Variants in CENPU observed in about 807,000 individuals in gnomAD.
The protein encoded by CENPU is KSHV latent nuclear antigen interacting protein 1.
A neutral mutation model predicts 56.7 loss-of-function variants in CENPU; 46 were observed. The ratio of observed to expected loss-of-function variants is 0.81; its 90% CI spans 0.64 to 1.04. The LOEUF is 1.04. Among genes scored for constraint, CENPU ranks in the 50% least tolerant of loss-of-function variants. CENPU has a pLI of 0.00. For missense variants in CENPU, 510 were observed against 490.1 expected (o/e 1.04, Z -0.38); for synonymous variants, 166 against 163.0 (o/e 1.02, Z -0.14).
At position 184,716,575 on chromosome 4, in the gene CENPU, G is replaced by A. The variant is rs746134998; in HGVS notation, c.440C>T (p.Thr147Ile). 2.5e-6 allele frequency: 4 copies of A among 1,614,100 alleles called. No individual in the cohort carries two copies. Among genetic ancestry groups the A allele is most frequent in the South Asian group, 1.1e-5 (1 of 91,078 alleles). ...CTCTGCTGATTTAACTTTTCTCCTT[G>A]TATCACTTTCTTCAATGCTTTCAGA... ...DDSESIEESD[T>I]RRKVKSAEKI... Residue 147 changes from threonine to isoleucine, a missense_variant, in exon 6 of 13, where the codon ACA becomes ATA. Coordinates refer to ENST00000281453, the MANE Select transcript of CENPU (RefSeq NM_024629.4).
At chr4:184,714,823 GA>G (rs1461537039) in intron 6 of CENPU, among the ~76,000 whole-genome samples, 8 of 152,082 alleles carry the variant, frequency 5.3e-5, no homozygotes, top group African/African-American at 1.9e-4. Flanking sequence ...AAAGTCAATG[GA>G]CTTTTAGCAG....
intron 4 of CENPU, among the ~76,000 whole-genome samples, chr4:184,723,324 A>C (rs1031690997): frequency 3.3e-5 from 5 of 152,186 alleles, no homozygotes; most frequent in Admixed American, 6.5e-5. Context: ...AAATTCTGGA[A>C]GGACATATGA....
Position 184,702,147 on chromosome 4 carries a change from C to CA in CENPU, c.877-12dup. On this transcript the variant is annotated splice_polypyrimidine_tract_variant and intron_variant, in intron 9 of 12. Coordinates refer to ENST00000281453, the MANE Select transcript of CENPU (RefSeq NM_024629.4). ...CTGGCTTTCTTTAAGCTACACAAAA[C>CA]AAAAAATACACATGTACATCAGTTT... 1 of 1,589,246 alleles carries CA rather than the reference C, an allele frequency of 6.3e-7. No individual in the cohort carries two copies. The highest frequency in any genetic ancestry group is 8.6e-7 in the Non-Finnish European group (1 of 1,161,600).
intron 1 of CENPU, 146 bp downstream of exon 1, chr4:184,733,869 GA>G: frequency 1.9e-6 from 2 of 1,054,856 alleles, no homozygotes; most frequent in Non-Finnish European, 2.9e-6. Flanking sequence ...CTAGACTGAG[GA>G]GGAAGCCGGG....
At chr4:184,701,994 C>A in intron 10 of CENPU, 95 bp downstream of exon 10, 1 of 762,990 alleles carries the variant, frequency 1.3e-6, no homozygotes, top group Non-Finnish European at 2.2e-6. Context: ...AATCTACTCA[C>A]ACTCTAAAGG....
At chr4:184,724,115 A>C (rs1365229987) in intron 4 of CENPU, among the ~76,000 whole-genome samples, 3 of 151,562 alleles carry the variant, frequency 2.0e-5, no homozygotes, top group Non-Finnish European at 2.9e-5. Flanking sequence ...ATACAAAAAA[A>C]ATCAGCTGGG....
intron 11 of CENPU, among the ~76,000 whole-genome samples, chr4:184,698,842 T>C (rs1247801979): frequency 1.3e-5 from 2 of 152,162 alleles, no homozygotes; most frequent in East Asian, 1.9e-4. Context: ...TTGGAGTCAG[T>C]CAGCTGACAG....
At chr4:184,722,794 AAAT>A (rs1328614837) in intron 4 of CENPU, among the ~76,000 whole-genome samples, 2 of 152,206 alleles carry the variant, frequency 1.3e-5, no homozygotes, top group Non-Finnish European at 2.9e-5. Context: ...ATCAACTAGA[AAAT>A]AGGAAAAAGG....
intron 4 of CENPU, 116 bp from the exon 5 acceptor site, chr4:184,717,312 T>C (rs986299958): frequency 5.3e-6 from 4 of 755,674 alleles, no homozygotes; most frequent in Non-Finnish European, 8.9e-6. Context: ...AAATATCCTA[T>C]TTGTCACATA....
In CENPU at chr4:184,695,414, A is replaced by G; in HGVS notation, c.1144-13T>C. ...TGGATGAATCATACTGTTGAAAGAA[A>G]ATTATATAATTAGCAATATCAAAAA... is the stretch of plus-strand genomic sequence containing the variant. On this transcript the variant is annotated splice_polypyrimidine_tract_variant and intron_variant, in intron 12 of 12. Coordinates refer to ENST00000281453, the MANE Select transcript of CENPU (RefSeq NM_024629.4). The G allele has an allele frequency of 7.1e-6, 11 of 1,559,238 alleles. No homozygotes were observed. Among genetic ancestry groups the G allele is most frequent in the Non-Finnish European group, 9.7e-6 (11 of 1,131,066 alleles).
Position 184,694,173 on chromosome 4 carries a change from G to T in CENPU, c.*1115C>A, listed in dbSNP as rs73014837. 0.013 allele frequency: 13,064 copies of T among 1,012,280 alleles called. 1,204 individuals are homozygous for T. The African/African-American group carries it at 0.2, about 16-fold the overall frequency. The allele number at this position is 1,012,280 out of a possible 1,614,324, so 62.7% of individuals were successfully genotyped here. On this transcript the variant is annotated 3_prime_UTR_variant, in exon 13 of 13. Coordinates refer to ENST00000281453, the MANE Select transcript of CENPU (RefSeq NM_024629.4). Reference sequence around the variant, plus strand: ...TTAAAGCATGGGTACTAAGTCCATTGTCAAGATAGCAAATTTATCTTCTGA... The same window carrying T: ...TTAAAGCATGGGTACTAAGTCCATTTTCAAGATAGCAAATTTATCTTCTGA...
At chr4:184,709,513 A>G (rs1760849765) in intron 8 of CENPU, among the ~76,000 whole-genome samples, 1 of 152,104 alleles carries the variant, frequency 6.6e-6, no homozygotes, top group Non-Finnish European at 1.5e-5. Context: ...GCCAAATGCT[A>G]GCAAAAGAAA....
intron 3 of CENPU, 57 bp from the exon 4 acceptor site, chr4:184,725,119 T>C (rs1761409547): frequency 1.9e-6 from 2 of 1,061,546 alleles, no homozygotes; most frequent in Admixed American, 4.3e-5. Flanking sequence ...TGGGCAGTAC[T>C]GTAGTTTATT....
chr4:184,718,460 C>T (rs2150220714), intron 4 of CENPU, among the ~76,000 whole-genome samples: 1 of 152,344 alleles, frequency 6.6e-6, no homozygotes, highest in South Asian at 2.1e-4. Context: ...CTATGCCATG[C>T]ATACAGGCAA....
At chr4:184,697,202 C>T (rs928830849) in intron 12 of CENPU, among the ~76,000 whole-genome samples, 1 of 152,074 alleles carries the variant, frequency 6.6e-6, no homozygotes, top group Non-Finnish European at 1.5e-5. Flanking sequence ...CTTCTAAAAT[C>T]CTACCTACCA....
intron 1 of CENPU, among the ~76,000 whole-genome samples, 167 bp downstream of exon 1, chr4:184,733,849 G>C (rs1202437338): frequency 6.6e-6 from 1 of 152,196 alleles, no homozygotes; most frequent in Non-Finnish European, 1.5e-5. Flanking sequence ...TGGGATCACT[G>C]TTATCCCCAC....
chr4:184,721,045 C>A (rs1207899497), intron 4 of CENPU, among the ~76,000 whole-genome samples: 1 of 152,096 alleles, frequency 6.6e-6, no homozygotes, highest in East Asian at 1.9e-4. Flanking sequence ...ATGAACCAAT[C>A]AAAAATAATA....
At chr4:184,725,785 GA>G in intron 3 of CENPU, among the ~76,000 whole-genome samples, 1 of 152,260 alleles carries the variant, frequency 6.6e-6, no homozygotes, top group South Asian at 2.1e-4. Context: ...AACATAAAAA[GA>G]TACCTTGAAT....
chr4:184,721,193 A>G (rs1367745885), intron 4 of CENPU, among the ~76,000 whole-genome samples: 1 of 152,150 alleles, frequency 6.6e-6, no homozygotes, highest in Non-Finnish European at 1.5e-5. Flanking sequence ...ATGGCATAAA[A>G]TAATGGGTTA....
Sources: allele counts gnomAD v4.1 joint callset (sites outside exome capture counted in the v4.1 genomes callset), GRCh38; gene constraint gnomAD v4.1.1; transcripts MANE v1.5; gene names NCBI Gene and HGNC (gene_info 2026-07-23, HGNC 2026-07-21).